The following CYP11B1 variants were observed in gnomAD, a reference collection of about 807,000 sequenced individuals.
CYP11B1 encodes cytochrome P450 family 11 subfamily B member 1, also known as cytochrome P450 11B1, mitochondrial.
Under a neutral mutation model 48.3 loss-of-function variants are expected in CYP11B1, and 34 were observed. That is an observed-to-expected ratio of 0.70 (90% CI 0.54 to 0.94). CYP11B1 has a LOEUF of 0.94. Ranked by LOEUF, CYP11B1 falls within the 40% of genes least tolerant of loss-of-function variation. CYP11B1 has a pLI of 0.00. For missense variants in CYP11B1, 688 were observed against 657.4 expected (o/e 1.05, Z -0.51); for synonymous variants, 291 against 262.5 (o/e 1.11, Z -1.05).
chr8:142,879,019 G>A lies in CYP11B1; in HGVS notation c.395+13C>T, dbSNP rs749143255. The A allele has an allele frequency of 1.2e-6, 2 of 1,613,910 alleles. No homozygotes were observed. Among genetic ancestry groups the A allele is most frequent in the Non-Finnish European group, 1.7e-6 (2 of 1,179,976 alleles). On this transcript the variant is annotated intron_variant, in intron 2 of 8. Coordinates refer to ENST00000292427, the MANE Select transcript of CYP11B1 (RefSeq NM_000497.4). ...CTGCCCACCCTGCTCCCAGCTCTCAGCTCGCCGCTTACAGCAAGAACACGC... is the reference window on the plus strand; with the variant it reads ...CTGCCCACCCTGCTCCCAGCTCTCAACTCGCCGCTTACAGCAAGAACACGC...
chr8:142,874,673 G>A (rs996277842), intron 8 of CYP11B1, among the ~76,000 whole-genome samples, 187 bp from the exon 9 acceptor site: 2 of 151,998 alleles, frequency 1.3e-5, no homozygotes, highest in African/African-American at 4.8e-5. Flanking sequence ...CCCAGGTATT[G>A]CCCAAGCCCC....
In CYP11B1 at chr8:142,879,092, C is replaced by A. The variant is rs61751139; in HGVS notation, c.335G>T (p.Ser112Ile). ...QVDSLHPHRM[S>I]LEPWVAYRQH... is the part of the protein sequence containing the mutation. Reference sequence around the variant, plus strand: ...TCTGTAGGCCACCCAGGGCTCCAGGCTCATCCTGTGGGGATGCAGGCTGTC... The same window carrying A: ...TCTGTAGGCCACCCAGGGCTCCAGGATCATCCTGTGGGGATGCAGGCTGTC... Residue 112 changes from serine to isoleucine, a missense_variant, in exon 2 of 9, where the codon AGC becomes ATC. Physicochemically the swap from Ser to Ile is moderately radical, Grantham distance 142. Transcript: ENST00000292427. 51 of 1,614,052 alleles carry A rather than the reference C, an allele frequency of 3.2e-5. No homozygotes were observed. The African/African-American group carries it at 5.7e-4, about 18-fold the overall frequency.
At position 142,875,741 on chromosome 8, in the gene CYP11B1, C is replaced by A. The variant is rs753227105; in HGVS notation, c.1092G>T (p.Leu364Phe). The change falls in exon 6 of 9, where the codon TTG (leucine) becomes TTT (phenylalanine). Residue 364 changes from leucine (L) to phenylalanine (F), a missense_variant. Coordinates refer to ENST00000292427, the MANE Select transcript of CYP11B1 (RefSeq NM_000497.4). ...HPQKATTELP[L>F]LRAALKETLR... ...AGGTCTCCTTGAGGGCCGCACGCAGCAAGGGCAGCTCGGTGGTTGCCTTCT... is the reference window on the plus strand; with the variant it reads ...AGGTCTCCTTGAGGGCCGCACGCAGAAAGGGCAGCTCGGTGGTTGCCTTCT... 36 of 1,613,926 alleles carry A rather than the reference C, an allele frequency of 2.2e-5. No homozygotes were observed. The highest frequency in any genetic ancestry group is 2.9e-5 in the Non-Finnish European group (34 of 1,180,016).
intron 6 of CYP11B1, 121 bp downstream of exon 6, chr8:142,875,591 C>T: frequency 9.3e-7 from 1 of 1,079,202 alleles, no homozygotes; most frequent in Non-Finnish European, 1.3e-6. Context: ...AGAGCAGGTG[C>T]AGGGGAATGG....
Position 142,874,071 on chromosome 8 carries a change from G to A in CYP11B1, c.*302C>T. 2 of 475,418 alleles carry A rather than the reference G, an allele frequency of 4.2e-6. No homozygotes were observed. Among genetic ancestry groups the A allele is most frequent in the South Asian group, 2.1e-5 (1 of 47,464 alleles). 29.4% of individuals were successfully genotyped at this position (475,418 alleles called of 1,614,324 possible). A position where few individuals can be genotyped will look rare whatever the true frequency, so the allele number is the denominator to read the frequency against. On this transcript the variant is annotated 3_prime_UTR_variant, in exon 9 of 9. Coordinates refer to ENST00000292427, the MANE Select transcript of CYP11B1 (RefSeq NM_000497.4). ...GCACCCTTGTATGGCCACACGAGGA[G>A]CCTGGAGCCAGCACTGGGAGGGATG...
In CYP11B1 at chr8:142,876,158, G is replaced by A. The variant is rs914574742; in HGVS notation, c.954+83C>T. 7 of 1,581,610 alleles carry A rather than the reference G, an allele frequency of 4.4e-6. No homozygotes were observed. In the South Asian group the frequency reaches 7.8e-5, roughly 18 times the overall value. ...CCATAGCCTGGGGATGGGACACGTG[G>A]GCGCCGTGTGACATTGGCAGGCAGT... On this transcript the variant is annotated intron_variant, in intron 5 of 8. Coordinates refer to ENST00000292427, the MANE Select transcript of CYP11B1 (RefSeq NM_000497.4).
chr8:142,873,995 G>T lies in CYP11B1; in HGVS notation c.*378C>A. The T allele has an allele frequency of 2.9e-6, 1 of 339,874 alleles. No homozygotes were observed. The highest frequency in any genetic ancestry group is 5.7e-6 in the Non-Finnish European group (1 of 174,676). 21.1% of individuals were successfully genotyped at this position (339,874 alleles called of 1,614,324 possible). On this transcript the variant is annotated 3_prime_UTR_variant, in exon 9 of 9. Transcript: ENST00000292427. Reference sequence around the variant, plus strand: ...TGCGCAGGGGCCCTGGCCAGGGGAAGAGGAACAGGGACATGTGAGACTAGG... The same window carrying T: ...TGCGCAGGGGCCCTGGCCAGGGGAATAGGAACAGGGACATGTGAGACTAGG...
At chr8:142,878,715 G>A (rs1384542024) in intron 2 of CYP11B1, among the ~76,000 whole-genome samples, 1 of 152,172 alleles carries the variant, frequency 6.6e-6, no homozygotes. Flanking sequence ...TCTGACCTAT[G>A]GGAAGGACAG....
In CYP11B1 at chr8:142,879,130, C is replaced by T. The variant is rs1817060497; in HGVS notation, c.297G>A (p.Lys99=). The change falls in exon 2 of 9, where the codon AAG becomes AAA. Residue 99 remains lysine (K), a synonymous_variant. Coordinates refer to ENST00000292427, the MANE Select transcript of CYP11B1 (RefSeq NM_000497.4). ...VCVMLPEDVE[K]LQQVDSLHPH... ...GATGCAGGCTGTCCACCTGTTGCAG[C>T]TTCTCCACGTCCTCCGGCAGCATCA... 6.2e-7 allele frequency: 1 copy of T among 1,614,058 alleles called. No individual in the cohort carries two copies. Among genetic ancestry groups the T allele is most frequent in the Admixed American group, 1.7e-5 (1 of 60,002 alleles).
chr8:142,874,980 C>T lies in CYP11B1; in HGVS notation c.1375G>A (p.Glu459Lys), dbSNP rs1331556179. 2.5e-6 allele frequency: 4 copies of T among 1,613,870 alleles called. No homozygotes were observed. Among genetic ancestry groups the T allele is most frequent in the African/African-American group, 1.3e-5 (1 of 74,946 alleles). The change falls in exon 8 of 9, where the codon GAG becomes AAG. Residue 459 changes from glutamate (E) to lysine (K), a missense_variant. Transcript: ENST00000292427. ...QCLGRRLAEA[E>K]MLLLLHHVLK... ...ACATGGTGCAGCAGCAGCAGCATCTCTGCCTCTGCCAGGCGCCGCCCAAGG... is the reference window on the plus strand; with the variant it reads ...ACATGGTGCAGCAGCAGCAGCATCTTTGCCTCTGCCAGGCGCCGCCCAAGG...
chr8:142,877,677 C>T (rs1817004801), intron 2 of CYP11B1: 29 of 1,480,364 alleles, frequency 2.0e-5, no homozygotes, highest in Non-Finnish European at 2.7e-5. Flanking sequence ...GGCACAGTGC[C>T]TCTGGGGCAG....
Position 142,876,750 on chromosome 8 carries a change from A to C in CYP11B1, c.731T>G (p.Leu244Arg). 6.2e-7 allele frequency: 1 copy of C among 1,613,936 alleles called. No homozygotes were observed. The highest frequency in any genetic ancestry group is 1.3e-5 in the African/African-American group (1 of 74,926). The change falls in exon 4 of 9, where the codon CTG (leucine) becomes CGG (arginine). Residue 244 changes from leucine (L) to arginine (R), a missense_variant. Leu to Arg is a moderately radical substitution (Grantham distance 102). Transcript: ENST00000292427. ...TVQLMFMPRSLSRWTSPKVWK... is the reference protein window; with the variant it reads ...TVQLMFMPRSRSRWTSPKVWK... Reference sequence around the variant, plus strand: ...CACCTTGGGGCTGGTCCAGCGAGACAGGCTCCTGGGCATGAACATGAGCTG... The same window carrying C: ...CACCTTGGGGCTGGTCCAGCGAGACCGGCTCCTGGGCATGAACATGAGCTG...
chr8:142,877,036 G>C lies in CYP11B1; in HGVS notation c.582C>G (p.His194Gln), dbSNP rs1190893127. The C allele has an allele frequency of 6.2e-7, 1 of 1,613,614 alleles. No homozygotes were observed. Among genetic ancestry groups the C allele is most frequent in the South Asian group, 1.1e-5 (1 of 91,008 alleles). Residue 194 changes from histidine to glutamine, a missense_variant, in exon 3 of 9, where the codon CAC becomes CAG. Transcript: ENST00000292427. ...LTLDVQPSIF[H>Q]YTIEASNLAL... is the part of the protein sequence containing the mutation. ...CGTGGCCCACACCTTCTATGGTGTAGTGGAAGATGCTGGGCTGGACGTCCA... is the reference window on the plus strand; with the variant it reads ...CGTGGCCCACACCTTCTATGGTGTACTGGAAGATGCTGGGCTGGACGTCCA...
At chr8:142,877,436 A>C (rs1277466641) in intron 2 of CYP11B1, among the ~76,000 whole-genome samples, 1 of 152,214 alleles carries the variant, frequency 6.6e-6, no homozygotes, top group Non-Finnish European at 1.5e-5. Flanking sequence ...CAGGGATGAG[A>C]TGGTAGCTTC....
rs866751235 is a variant in CYP11B1, at chr8:142,877,484, C to T, written c.396-262G>A. On this transcript the variant is annotated intron_variant, in intron 2 of 8. Transcript: ENST00000292427. ...CTGACAGGGTAACTGAGGTCATTCC[C>T]GGGACCTGGCACCCCAAGTCTGGCA... Among the ~76,000 whole-genome samples the T allele has an allele frequency of 3.1e-3, 465 of 148,510 alleles. 1 individual carries two copies. The highest frequency in any genetic ancestry group is 3.3e-3 in the African/African-American group (132 of 39,404).
intron 2 of CYP11B1, among the ~76,000 whole-genome samples, chr8:142,878,496 C>T (rs1433908089): frequency 6.6e-6 from 1 of 152,380 alleles, no homozygotes; most frequent in Non-Finnish European, 1.5e-5. Flanking sequence ...AACCGCCCCA[C>T]CTCGTGCCTT....
rs183103934 is a variant in CYP11B1 at position 142,876,064 on chromosome 8, C to A, written c.954+177G>T. 6.9e-5 allele frequency: 79 copies of A among 1,141,534 alleles called. No individual in the cohort carries two copies. The African/African-American group carries it at 1.1e-3, about 16-fold the overall frequency. 70.7% of individuals were successfully genotyped at this position (1,141,534 alleles called of 1,614,324 possible). On this transcript the variant is annotated intron_variant, in intron 5 of 8. Coordinates refer to ENST00000292427, the MANE Select transcript of CYP11B1 (RefSeq NM_000497.4). ...CCTGAGTCCTCCACAGAAAGGAACC[C>A]CCCATTCCAACCATGGCAACCTGCA... is the stretch of plus-strand genomic sequence containing the variant.
In CYP11B1 at chr8:142,874,229, C is replaced by T; in HGVS notation, c.*144G>A. The T allele has an allele frequency of 7.0e-6, 5 of 710,162 alleles. No homozygotes were observed. The highest frequency in any genetic ancestry group is 4.0e-5 in the Admixed American group (2 of 49,542). The allele number at this position is 710,162 out of a possible 1,614,324, so 44.0% of individuals were successfully genotyped here. On this transcript the variant is annotated 3_prime_UTR_variant, in exon 9 of 9. Transcript: ENST00000292427. ...CTGGCAAACCCTGGTCCTAGAGGCC[C>T]TCGGGAGTTCCATTTGTGCTGGGGC...
chr8:142,874,931 C>T (rs758052244), intron 8 of CYP11B1, 26 bp downstream of exon 8: 1 of 1,611,258 alleles, frequency 6.2e-7, no homozygotes. Flanking sequence ...CCCGCCCAGG[C>T]CCCTCCCCAG....
Sources: gnomAD v4.1 joint callset for allele counts (sites outside exome capture counted in the v4.1 genomes callset) on GRCh38, gnomAD v4.1.1 for gene constraint, MANE v1.5 for transcripts, NCBI Gene and HGNC (gene_info 2026-07-23, HGNC 2026-07-21) for gene names.